Variants in ASCC3 observed in about 807,000 individuals in gnomAD.
ASCC3 encodes the protein activating signal cointegrator 1 complex subunit 3.
ASCC3 carries 158 observed loss-of-function variants against 256.3 expected under a neutral mutation model. The observed-to-expected ratio is 0.62, with a 90% CI of 0.54 to 0.70. The LOEUF (loss-of-function observed/expected upper bound fraction) is 0.70, where lower values mean the gene tolerates loss of function less well. Among genes scored for constraint, ASCC3 ranks in the 30% least tolerant of loss-of-function variants. The pLI, the probability that ASCC3 is intolerant of heterozygous loss-of-function variation, is 0.00. For synonymous variants in ASCC3, 948 were observed against 883.4 expected (o/e 1.07, Z -1.30); for missense variants, 2,259 against 2,626.0 (o/e 0.86, Z 3.05).
chr6:100,613,025 G>C (rs1773484420), intron 30 of ASCC3, among the ~76,000 whole-genome samples: 1 of 150,906 alleles, frequency 6.6e-6, no homozygotes, highest in Admixed American at 6.6e-5. Flanking sequence ...TATTTTCAAT[G>C]TTTGCTTTTT....
At chr6:100,682,513 C>G (rs1777355828) in intron 13 of ASCC3, among the ~76,000 whole-genome samples, 1 of 152,092 alleles carries the variant, frequency 6.6e-6, no homozygotes, top group Non-Finnish European at 1.5e-5. Context: ...GGCAGTTGAA[C>G]CAAAGAGAAG....
chr6:100,683,875 A>ATTTATG (rs1194429007), intron 13 of ASCC3, among the ~76,000 whole-genome samples: 44 of 152,164 alleles, frequency 2.9e-4, no homozygotes, highest in Non-Finnish European at 2.9e-5. Context: ...AAGTTCACAT[A>ATTTATG]GAAACAAAAG....
chr6:100,821,274 G>A (rs1172169365), intron 4 of ASCC3, among the ~76,000 whole-genome samples: 2 of 152,010 alleles, frequency 1.3e-5, no homozygotes, highest in African/African-American at 4.8e-5. Context: ...TCTCAGCCTC[G>A]CAAAGCGCTG....
At chr6:100,713,047 C>T (rs949499659) in intron 13 of ASCC3, among the ~76,000 whole-genome samples, 2 of 152,082 alleles carry the variant, frequency 1.3e-5, no homozygotes, top group African/African-American at 4.8e-5. Flanking sequence ...CATGAGCCAC[C>T]ATGCCCAGCG....
chr6:100,565,556 G>A (rs1431034440), intron 36 of ASCC3, among the ~76,000 whole-genome samples: 3 of 152,146 alleles, frequency 2.0e-5, no homozygotes, highest in African/African-American at 7.2e-5. Flanking sequence ...GAGCCTTACT[G>A]CTTTTTTATT....
chr6:100,789,927 A>C (rs150478821), intron 8 of ASCC3, among the ~76,000 whole-genome samples: 7 of 152,100 alleles, frequency 4.6e-5, no homozygotes, highest in African/African-American at 1.7e-4. Flanking sequence ...TTGAGAATGC[A>C]AAATGAAGCA....
chr6:100,573,643 T>C (rs1352981442), intron 36 of ASCC3, among the ~76,000 whole-genome samples: 2 of 152,108 alleles, frequency 1.3e-5, no homozygotes, highest in Non-Finnish European at 2.9e-5. Context: ...TCAGTGTTAT[T>C]TTTATTTCTC....
rs1255803279 is a variant in ASCC3, at chr6:100,681,587, C to T, written c.2152-1835G>A. ...ACTAAAAATACAAAAATTAGCGGGG[C>T]GTGGTGGTGCGTGCCTGTAATCTCA... On this transcript the variant is annotated intron_variant, in intron 13 of 41. Coordinates refer to ENST00000369162, the MANE Select transcript of ASCC3 (RefSeq NM_006828.4). 2.6e-5 allele frequency among the ~76,000 whole-genome samples: 4 copies of T among 151,416 alleles called. No homozygotes were observed. In the South Asian group the frequency reaches 6.3e-4, roughly 24 times the overall value.
chr6:100,630,047 C>T (rs1774457524), intron 26 of ASCC3, among the ~76,000 whole-genome samples: 1 of 150,512 alleles, frequency 6.6e-6, no homozygotes, highest in African/African-American at 2.5e-5. Context: ...TGCACCACCA[C>T]CTCCAGCTCC....
At chr6:100,558,483 C>T (rs1486344510) in intron 36 of ASCC3, among the ~76,000 whole-genome samples, 3 of 152,060 alleles carry the variant, frequency 2.0e-5, no homozygotes, top group African/African-American at 2.4e-5. Context: ...GGGTCAAATG[C>T]TGCTACAGAA....
At chr6:100,875,885 C>A (rs1773980110) in intron 1 of ASCC3, among the ~76,000 whole-genome samples, 1 of 151,998 alleles carries the variant, frequency 6.6e-6, no homozygotes, top group Admixed American at 6.6e-5. Context: ...ACAAAAAACC[C>A]TACAAATGGG....
chr6:100,605,526 T>G (rs2114803983), intron 33 of ASCC3, 42 bp downstream of exon 33: 12 of 1,379,708 alleles, frequency 8.7e-6, no homozygotes, highest in South Asian at 1.2e-5. Context: ...CACCAACTTG[T>G]GATTAAATAA....
At chr6:100,593,541 T>C (rs950410197) in intron 34 of ASCC3, among the ~76,000 whole-genome samples, 10 of 152,120 alleles carry the variant, frequency 6.6e-5, no homozygotes, top group Admixed American at 5.2e-4. Context: ...ATGTAAAACA[T>C]AGATAAAGTT....
In ASCC3 at chr6:100,651,547, C is replaced by G; in HGVS notation, c.3075+13G>C. On this transcript the variant is annotated intron_variant, in intron 19 of 41. Transcript: ENST00000369162. ...TGTTGTATGCATTTGATTCAAATTT[C>G]AAGAAATCTTACCTTAATTTGATCA... 6.6e-7 allele frequency: 1 copy of G among 1,518,992 alleles called. No individual in the cohort carries two copies. Among genetic ancestry groups the G allele is most frequent in the Non-Finnish European group, 9.0e-7 (1 of 1,109,560 alleles). The allele number at this position is 1,518,992 out of a possible 1,614,324, so 94.1% of individuals were successfully genotyped here. A position where few individuals can be genotyped will look rare whatever the true frequency, so the allele number is the denominator to read the frequency against.
rs1451205916 is a variant in ASCC3, at chr6:100,625,323, G to A, written c.4654C>T (p.His1552Tyr). The stretch of plus-strand genomic sequence containing the variant: ...ATCAAAACAGGTTTGGCTGGAGAAT[G>A]GCTTCTAATTGCTGTTGAAAAGTTG... Reference protein sequence around the residue: ...NKPAFQAIRSHSPAKPVLIFV... With the variant: ...NKPAFQAIRSYSPAKPVLIFV... The change falls in exon 30 of 42, where the codon CAT (histidine) becomes TAT (tyrosine). Residue 1552 changes from histidine to tyrosine, a missense_variant. Physicochemically the swap from His to Tyr is moderately conservative, Grantham distance 83. Transcript: ENST00000369162. The A allele has an allele frequency of 6.2e-7, 1 of 1,612,616 alleles. No individual in the cohort carries two copies. The highest frequency in any genetic ancestry group is 8.5e-7 in the Non-Finnish European group (1 of 1,179,008).
At chr6:100,753,202 C>A (rs1781016936) in intron 10 of ASCC3, among the ~76,000 whole-genome samples, 1 of 151,016 alleles carries the variant, frequency 6.6e-6, no homozygotes, top group African/African-American at 2.4e-5. Context: ...GTTTATATTT[C>A]ATGTAAATTG....
At chr6:100,700,871 G>A (rs914043676) in intron 13 of ASCC3, among the ~76,000 whole-genome samples, 4 of 152,186 alleles carry the variant, frequency 2.6e-5, no homozygotes, top group Non-Finnish European at 5.9e-5. Context: ...TAGGCAGACG[G>A]GATTTCCCTT....
intron 14 of ASCC3, among the ~76,000 whole-genome samples, chr6:100,669,133 T>G (rs1056966615): frequency 4.6e-5 from 7 of 151,012 alleles, no homozygotes; most frequent in African/African-American, 1.7e-4. Context: ...AAAAATTTAA[T>G]ATTTTTATAA....
At chr6:100,517,596 T>C (rs571002324) in intron 38 of ASCC3, among the ~76,000 whole-genome samples, 15 of 152,170 alleles carry the variant, frequency 9.9e-5, no homozygotes, top group Non-Finnish European at 1.9e-4. Flanking sequence ...AATTTACTTT[T>C]GACAATGGAT....
Sources: allele counts gnomAD v4.1 joint callset (sites outside exome capture counted in the v4.1 genomes callset), GRCh38; gene constraint gnomAD v4.1.1; transcripts MANE v1.5; gene names NCBI Gene and HGNC (gene_info 2026-07-23, HGNC 2026-07-21).